MEGF6: variants seen among roughly 807,000 people sequenced by gnomAD.
MEGF6 encodes multiple epidermal growth factor-like domains protein 6.
Under a neutral mutation model 207.1 loss-of-function variants are expected in MEGF6, and 184 were observed. The ratio of observed to expected loss-of-function variants is 0.89; its 90% CI spans 0.79 to 1.00. The LOEUF (loss-of-function observed/expected upper bound fraction) is 1.00, where lower values mean the gene tolerates loss of function less well. Among genes scored for constraint, MEGF6 ranks in the 50% least tolerant of loss-of-function variants. The probability of loss-of-function intolerance (pLI) is 0.00; values close to 1 mark genes in which losing one functional copy is unlikely to be tolerated. For synonymous variants in MEGF6, 1,038 were observed against 910.0 expected (o/e 1.14, Z -2.53); for missense variants, 2,282 against 2,202.9 (o/e 1.04, Z -0.72).
intron 4 of MEGF6, chr1:3,531,353 C>G (rs1042073591): frequency 2.5e-6 from 3 of 1,191,432 alleles, no homozygotes; most frequent in Non-Finnish European, 3.1e-6. Context: ...GGGTTCCGGG[C>G]GGGCGCGCAA....
At chr1:3,595,217 C>A in intron 3 of MEGF6, 121 bp downstream of exon 3, 3 of 669,300 alleles carry the variant, frequency 4.5e-6, no homozygotes, top group East Asian at 5.5e-5. Flanking sequence ...CGAGTGTTCC[C>A]TGAGTCTCTC....
upstream of MEGF6, among the ~76,000 whole-genome samples, chr1:3,613,063 AC>A (rs1186273700): frequency 6.6e-6 from 1 of 152,198 alleles, no homozygotes; most frequent in Non-Finnish European, 1.5e-5. Context: ...ATTGACAGGC[AC>A]AAAATAGCCA....
rs752349471 is a variant in MEGF6, at chr1:3,488,876, T to C, written c.*1652A>G. ...TCATTCACCTTTAGATCTGAGAACG[T>C]CTTGGTCGTCGTTGCTTCATGTCAA... On this transcript the variant is annotated 3_prime_UTR_variant, in exon 37 of 37. Transcript: ENST00000356575. 2.0e-5 allele frequency among the ~76,000 whole-genome samples: 3 copies of C among 152,206 alleles called. No homozygotes were observed. The highest frequency in any genetic ancestry group is 2.9e-5 in the Non-Finnish European group (2 of 68,038).
intron 4 of MEGF6, among the ~76,000 whole-genome samples, chr1:3,546,839 G>T (rs1336801149): frequency 1.3e-5 from 2 of 148,286 alleles, no homozygotes; most frequent in Non-Finnish European, 3.0e-5. Flanking sequence ...GGCTGGGAAG[G>T]GGGCGCCAGG....
chr1:3,500,521 T>G (rs975008881), intron 21 of MEGF6, 112 bp downstream of exon 21: 3 of 1,405,706 alleles, frequency 2.1e-6, no homozygotes, highest in Non-Finnish European at 2.8e-6. Flanking sequence ...AGGCTTCGTG[T>G]GTGTGCGTGC....
Position 3,499,131 on chromosome 1 carries a change from G to A in MEGF6, c.3094+7C>T, listed in dbSNP as rs759678347. ...CCCCGGTCCCTGGACTCCTAGATGTGGCTTACCCTGCAGGCAGGAGGGCCC... is the reference window on the plus strand; with the variant it reads ...CCCCGGTCCCTGGACTCCTAGATGTAGCTTACCCTGCAGGCAGGAGGGCCC... On this transcript the variant is annotated splice_region_variant and intron_variant, in intron 24 of 36. Transcript: ENST00000356575. The A allele has an allele frequency of 7.5e-6, 12 of 1,603,442 alleles. No individual in the cohort carries two copies. The Admixed American group carries it at 2.0e-4, about 27-fold the overall frequency.
At chr1:3,597,405 C>T (rs1644085779) in intron 2 of MEGF6, among the ~76,000 whole-genome samples, 1 of 152,230 alleles carries the variant, frequency 6.6e-6, no homozygotes, top group African/African-American at 2.4e-5. Flanking sequence ...AGACAGACGG[C>T]CACCTGTGCC....
chr1:3,603,734 C>T (rs1644198321), intron 1 of MEGF6, among the ~76,000 whole-genome samples: 1 of 152,102 alleles, frequency 6.6e-6, no homozygotes, highest in Non-Finnish European at 1.5e-5. Context: ...GTACCGCCCT[C>T]CGCCCAGGCC....
Position 3,563,968 on chromosome 1 carries a change from G to A in MEGF6, c.481+15857C>T, listed in dbSNP as rs141976079. 4.1e-3 allele frequency among the ~76,000 whole-genome samples: 625 copies of A among 152,304 alleles called. 3 individuals carry two copies. Among genetic ancestry groups the A allele is most frequent in the African/African-American group, 0.014 (573 of 41,568 alleles). On this transcript the variant is annotated intron_variant, in intron 4 of 36. Transcript: ENST00000356575. ...TTGTCCTGCCAGGCCAGCCCCTCCT[G>A]GGCATAGGCACAAACAGCAACTGCT...
At chr1:3,535,872 G>C (rs920161497) in intron 4 of MEGF6, among the ~76,000 whole-genome samples, 1 of 152,174 alleles carries the variant, frequency 6.6e-6, no homozygotes, top group African/African-American at 2.4e-5. Flanking sequence ...GGAATGGCTC[G>C]GGCAGGCACC....
chr1:3,612,123 AC>A (rs537250739), upstream of MEGF6, among the ~76,000 whole-genome samples: 347 of 152,310 alleles, frequency 2.3e-3, 1 homozygote, highest in African/African-American at 7.8e-3. Flanking sequence ...GCCCGCGTGC[AC>A]CCTGGACACC....
At chr1:3,505,670 C>G in intron 15 of MEGF6, 114 bp from the exon 16 acceptor site, 1 of 1,317,594 alleles carries the variant, frequency 7.6e-7, no homozygotes, top group Non-Finnish European at 1.0e-6. Flanking sequence ...AGGGAGCTGT[C>G]CTCCTCCACC....
At chr1:3,604,958 TCA>T (rs1023956325) in intron 1 of MEGF6, among the ~76,000 whole-genome samples, 1 of 152,016 alleles carries the variant, frequency 6.6e-6, no homozygotes, top group African/African-American at 2.4e-5. Context: ...GGGGATGGTC[TCA>T]CAGCCCCCAG....
At chr1:3,517,582 C>A (rs1463299054) in intron 5 of MEGF6, among the ~76,000 whole-genome samples, 2 of 152,242 alleles carry the variant, frequency 1.3e-5, no homozygotes, top group African/African-American at 4.8e-5. Context: ...AGGGGCCACC[C>A]CTGCGTGGCC....
At position 3,524,190 on chromosome 1, in the gene MEGF6, G is replaced by A; in HGVS notation, c.538C>T (p.Pro180Ser). 2 of 1,612,988 alleles carry A rather than the reference G, an allele frequency of 1.2e-6. No individual in the cohort carries two copies. Among genetic ancestry groups the A allele is most frequent in the Non-Finnish European group, 1.7e-6 (2 of 1,179,902 alleles). ...TTGCACTCACAGAGGTAGGAGCCTG[G>A]GGTGTTCACGCACCGGTGCTGGCAG... The part of the protein sequence containing the change: ...GGCQHRCVNT[P>S]GSYLCECKPG... Residue 180 changes from proline (P) to serine (S), a missense_variant, in exon 5 of 37, where the codon CCA becomes TCA. Pro to Ser is a moderately conservative substitution (Grantham distance 74). Transcript: ENST00000356575.
chr1:3,549,041 GC>G (rs1366331633), intron 4 of MEGF6, among the ~76,000 whole-genome samples: 1 of 152,090 alleles, frequency 6.6e-6, no homozygotes, highest in African/African-American at 2.4e-5. Flanking sequence ...CTGGGACCCC[GC>G]CTTGGGTACC....
intron 4 of MEGF6, among the ~76,000 whole-genome samples, chr1:3,571,736 ACTGGGTCTTCCCTGGTGTG>A (rs1643501096): frequency 1.0e-5 from 1 of 98,144 alleles, no homozygotes; most frequent in Non-Finnish European, 1.9e-5. Flanking sequence ...TTGCGGGTGC[ACTGGGTCTTCCCTGGTGTG>A]CTGGGTCCCC....
chr1:3,491,588 G>C (rs936886916), intron 35 of MEGF6, among the ~76,000 whole-genome samples: 4 of 151,984 alleles, frequency 2.6e-5, no homozygotes, highest in Admixed American at 1.3e-4. Flanking sequence ...AAGACTATTT[G>C]GGGGCCTCCA....
rs1327610429 is a variant in MEGF6 at position 3,573,288 on chromosome 1, A to G, written c.481+6537T>C. On this transcript the variant is annotated intron_variant, in intron 4 of 36. Transcript: ENST00000356575. This position sits in a 1 kb window ranked among gnomAD's most constrained non-coding sequence, Gnocchi z 5.1. ...TGGGTCCCCCCGCCAGGTAACCCCT[A>G]GTCCTCCTGGGGCATGCTAGGATCA... 6.6e-6 allele frequency among the ~76,000 whole-genome samples: 1 copy of G among 152,118 alleles called. No homozygotes were observed. Among genetic ancestry groups the G allele is most frequent in the African/African-American group, 2.4e-5 (1 of 41,422 alleles).
Sources: allele counts gnomAD v4.1 joint callset (sites outside exome capture counted in the v4.1 genomes callset), GRCh38; gene constraint gnomAD v4.1.1; non-coding constraint Gnocchi (gnomAD v3.1); transcripts MANE v1.5; gene names NCBI Gene and HGNC (gene_info 2026-07-23, HGNC 2026-07-21).